IBTK: variants seen among roughly 807,000 people sequenced by gnomAD.
The protein encoded by IBTK is inhibitor of Bruton tyrosine kinase.
In IBTK, 83 loss-of-function variants were observed where a neutral mutation model predicts 154.9. That is an observed-to-expected ratio of 0.54 (90% confidence interval 0.45 to 0.64). IBTK has a LOEUF of 0.64. IBTK is among the 30% of genes least tolerant of loss of function. The pLI is 0.00. For missense variants in IBTK, 1,332 were observed against 1,584.6 expected, an observed-to-expected ratio of 0.84 and a Z score of 2.71; for synonymous variants, 515 against 536.1, an observed-to-expected ratio of 0.96 and a Z score of 0.54.
Position 82,170,040 on chromosome 6 carries a change from T to C in IBTK, c.*1385A>G, listed in dbSNP as rs1161551920. The C allele has an allele frequency of 2.6e-5, 4 of 152,248 alleles. No homozygotes were observed. Among genetic ancestry groups the C allele is most frequent in the African/African-American group, 9.6e-5 (4 of 41,462 alleles). 9.4% of individuals were successfully genotyped at this position (152,248 alleles called of 1,614,324 possible). A position where few individuals can be genotyped will look rare whatever the true frequency, so the allele number is the denominator to read the frequency against. The stretch of plus-strand genomic sequence containing the variant: ...ATCAATAGAACATTTATAAAATTCA[T>C]TTCTCAATTTACTCAAACACACATA... On this transcript the variant is annotated 3_prime_UTR_variant, in exon 29 of 29. Coordinates refer to ENST00000306270, the MANE Select transcript of IBTK (RefSeq NM_015525.4).
At position 82,196,345 on chromosome 6, in the gene IBTK, A is replaced by C; in HGVS notation, c.3127T>G (p.Leu1043Val). Residue 1043 changes from leucine (L) to valine (V), a missense_variant, in exon 22 of 29, where the codon TTA becomes GTA. Physicochemically the swap from Leu to Val is conservative, Grantham distance 32 (BLOSUM62 1). Around this residue, in one of 3 missense-constraint regions of IBTK, gnomAD observed 1,134 missense variants for 1,274.7 expected, o/e 0.89. Transcript: ENST00000306270. ...CCTGTTGTGAAATCAGGGGACTGTA[A>C]ATCTCTAGGACTACCCACTCCTGCA... ...SYAGVGSPRD[L>V]QSPDFTTGFH... 2 of 1,610,756 alleles carry C rather than the reference A, an allele frequency of 1.2e-6. No individual in the cohort carries two copies. The highest frequency in any genetic ancestry group is 1.7e-6 in the Non-Finnish European group (2 of 1,178,554).
intron 26 of IBTK, among the ~76,000 whole-genome samples, chr6:82,176,044 A>G (rs888747087): frequency 1.3e-5 from 2 of 151,830 alleles, no homozygotes; most frequent in Non-Finnish European, 2.9e-5. Flanking sequence ...AAAAAAAAAG[A>G]TTTTTGTTCA....
chr6:82,225,720 C>A lies in IBTK; in HGVS notation c.655-73G>T, dbSNP rs937223463. Reference sequence around the variant, plus strand: ...GATATGCAAATAGAATTTGATGATACTACATCTAAAATGACATGAAATGAC... The same window carrying A: ...GATATGCAAATAGAATTTGATGATAATACATCTAAAATGACATGAAATGAC... On this transcript the variant is annotated intron_variant, in intron 5 of 28. Transcript: ENST00000306270. 32 of 1,104,910 alleles carry A rather than the reference C, an allele frequency of 2.9e-5. No homozygotes were observed. In the Admixed American group the frequency reaches 7.5e-4, roughly 26 times the overall value. 68.4% of individuals were successfully genotyped at this position (1,104,910 alleles called of 1,614,324 possible).
chr6:82,222,619 A>T (rs1770139807), intron 8 of IBTK, among the ~76,000 whole-genome samples: 1 of 152,212 alleles, frequency 6.6e-6, no homozygotes, highest in African/African-American at 2.4e-5. Flanking sequence ...AAAATGTATT[A>T]AAAATGTACA....
chr6:82,222,268 T>C (rs552376842), intron 8 of IBTK, among the ~76,000 whole-genome samples: 3 of 152,302 alleles, frequency 2.0e-5, no homozygotes, highest in African/African-American at 7.2e-5. Context: ...ATGGTACCTG[T>C]TTTACATTAT....
chr6:82,229,869 C>CTGTTCTCTCAAAATTTAA (rs1770443233), intron 4 of IBTK, among the ~76,000 whole-genome samples: 2 of 152,086 alleles, frequency 1.3e-5, no homozygotes, highest in Admixed American at 6.6e-5. Flanking sequence ...GTTTTTATTC[C>CTGTTCTCTCAAAATTTAA]TGTTCTCTCA....
intron 26 of IBTK, 107 bp downstream of exon 26, chr6:82,181,772 G>A: frequency 2.8e-6 from 2 of 722,888 alleles, no homozygotes; most frequent in South Asian, 2.3e-5. Flanking sequence ...GTAAAAGAGT[G>A]TACAAAAAAT....
intron 9 of IBTK, 128 bp downstream of exon 9, chr6:82,220,462 G>T: frequency 3.4e-6 from 3 of 872,970 alleles, no homozygotes; most frequent in Non-Finnish European, 4.9e-6. Context: ...ACTTATTTTG[G>T]CACCCAATAC....
At chr6:82,175,502 A>G (rs1768076717) in intron 26 of IBTK, among the ~76,000 whole-genome samples, 1 of 152,218 alleles carries the variant, frequency 6.6e-6, no homozygotes, top group Admixed American at 6.5e-5. Flanking sequence ...AATTTATCCA[A>G]TGTGGAGTCT....
At position 82,240,820 on chromosome 6, in the gene IBTK, A is replaced by T. The variant is rs2127829767; in HGVS notation, c.-334T>A. On this transcript the variant is annotated 5_prime_UTR_variant, in exon 2 of 29. Transcript: ENST00000306270. ...CCCTCCACACTGTCTGACCCTTTTA[A>T]ATATCCATAATTGCAAGGGTGACCT... 4 of 415,736 alleles carry T rather than the reference A, an allele frequency of 9.6e-6. No homozygotes were observed. The South Asian group carries it at 4.0e-4, about 42-fold the overall frequency. 25.8% of individuals were successfully genotyped at this position (415,736 alleles called of 1,614,324 possible). A position where few individuals can be genotyped will look rare whatever the true frequency, so the allele number is the denominator to read the frequency against.
At position 82,171,558 on chromosome 6, in the gene IBTK, T is replaced by TGAAAG; in HGVS notation, c.3931-7_3931-3dup. 6.3e-7 allele frequency: 1 copy of TGAAAG among 1,588,562 alleles called. No homozygotes were observed. The highest frequency in any genetic ancestry group is 8.6e-7 in the Non-Finnish European group (1 of 1,164,834). ...ATCTTGTATGGCATGCTCCTCAATC[T>TGAAAG]GAAAGGAGGAAGGGAAAGAAGACTC... is the stretch of plus-strand genomic sequence containing the variant. On this transcript the variant is annotated splice_region_variant and splice_polypyrimidine_tract_variant and intron_variant, in intron 28 of 28. Transcript: ENST00000306270.
In IBTK at chr6:82,214,358, A is replaced by G. The variant is rs1769782311; in HGVS notation, c.2073T>C (p.Ala691=). 1 of 1,614,028 alleles carries G rather than the reference A, an allele frequency of 6.2e-7. No homozygotes were observed. The highest frequency in any genetic ancestry group is 8.5e-7 in the Non-Finnish European group (1 of 1,180,000). ...SAFEVYKSNQ[A]QTVSERQKSK... Reference sequence around the variant, plus strand: ...TCTTCTGCCTCTCACTAACTGTTTGAGCTTGATTACTTTTGTAAACTTCAA... The same window carrying G: ...TCTTCTGCCTCTCACTAACTGTTTGGGCTTGATTACTTTTGTAAACTTCAA... The change falls in exon 12 of 29, where the codon GCT becomes GCC. Residue 691 remains alanine, a synonymous_variant. Coordinates refer to ENST00000306270, the MANE Select transcript of IBTK (RefSeq NM_015525.4).
Position 82,216,081 on chromosome 6 carries a change from T to C in IBTK, c.1596A>G (p.Lys532=), listed in dbSNP as rs760747274. ...CNFAILQSDP[K]TSLYEIPAVS... ...TTTAATATATACAAGTATACCTTGTTTTAGGATCTGACTGCAGGATTGCAA... is the reference window on the plus strand; with the variant it reads ...TTTAATATATACAAGTATACCTTGTCTTAGGATCTGACTGCAGGATTGCAA... The change falls in exon 11 of 29, where the codon AAA becomes AAG. Residue 532 remains lysine (K), a synonymous_variant. Coordinates refer to ENST00000306270, the MANE Select transcript of IBTK (RefSeq NM_015525.4). The C allele has an allele frequency of 1.9e-6, 3 of 1,603,816 alleles. No individual in the cohort carries two copies. The highest frequency in any genetic ancestry group is 2.6e-6 in the Non-Finnish European group (3 of 1,176,356).
At chr6:82,176,457 G>A (rs1254370078) in intron 26 of IBTK, among the ~76,000 whole-genome samples, 1 of 148,366 alleles carries the variant, frequency 6.7e-6, no homozygotes, top group Non-Finnish European at 1.5e-5. Context: ...GGAGGCAGAG[G>A]TTGCAGTGAG....
chr6:82,224,041 C>A, intron 7 of IBTK, 27 bp downstream of exon 7: 2 of 1,181,556 alleles, frequency 1.7e-6, no homozygotes, highest in East Asian at 2.4e-5. Flanking sequence ...ATTTAATTTC[C>A]AGATATTGTC....
chr6:82,238,328 A>G (rs1351274061), intron 2 of IBTK, among the ~76,000 whole-genome samples: 1 of 152,212 alleles, frequency 6.6e-6, no homozygotes, highest in Non-Finnish European at 1.5e-5. Flanking sequence ...TCTAATTTGC[A>G]TTCATTAGTG....
At chr6:82,231,313 C>CAA (rs144796263) in intron 4 of IBTK, among the ~76,000 whole-genome samples, 35,005 of 146,486 alleles carry the variant, frequency 0.24, 4,019 homozygotes, top group African/African-American at 0.27. Flanking sequence ...TTAATGCCAC[C>CAA]AAAAAAAAAA....
intron 23 of IBTK, among the ~76,000 whole-genome samples, chr6:82,193,966 G>T (rs1381735294): frequency 6.6e-6 from 1 of 152,090 alleles, no homozygotes; most frequent in East Asian, 1.9e-4. Context: ...ACAGGCATGA[G>T]CCACCATGCC....
chr6:82,180,234 G>GT (rs536240182), intron 26 of IBTK, among the ~76,000 whole-genome samples: 8 of 151,944 alleles, frequency 5.3e-5, no homozygotes, highest in African/African-American at 1.4e-4. Flanking sequence ...TCCATTTAAG[G>GT]TTTTTTTATT....
Sources: gnomAD v4.1 joint callset for allele counts (sites outside exome capture counted in the v4.1 genomes callset) on GRCh38, gnomAD v4.1.1 for gene constraint, gnomAD v4.1.1 regional missense constraint, MANE v1.5 for transcripts, NCBI Gene and HGNC (gene_info 2026-07-23, HGNC 2026-07-21) for gene names.